BBS9: variants seen among roughly 807,000 people sequenced by gnomAD.
BBS9 encodes the protein protein PTHB1.
In BBS9, 89 loss-of-function variants were observed where a neutral mutation model predicts 117.7. The ratio of observed to expected loss-of-function variants is 0.76; its 90% CI spans 0.64 to 0.90. The LOEUF (loss-of-function observed/expected upper bound fraction) is 0.90, where lower values mean the gene tolerates loss of function less well. Among genes scored for constraint, BBS9 ranks in the 40% least tolerant of loss-of-function variants. The probability of loss-of-function intolerance (pLI) is 0.00; values close to 1 mark genes in which losing one functional copy is unlikely to be tolerated. For synonymous variants in BBS9, 379 were observed against 370.9 expected (o/e 1.02, Z -0.25); for missense variants, 982 against 1,042.2 (o/e 0.94, Z 0.80).
At chr7:33,614,143 C>T (rs1012121011) in intron 21 of BBS9, among the ~76,000 whole-genome samples, 1 of 152,090 alleles carries the variant, frequency 6.6e-6, no homozygotes, top group East Asian at 1.9e-4. Context: ...CTGTGTTGAA[C>T]AACTTCATGC....
intron 19 of BBS9, among the ~76,000 whole-genome samples, chr7:33,408,903 G>C (rs1053020084): frequency 3.3e-5 from 5 of 152,110 alleles, no homozygotes; most frequent in Admixed American, 6.5e-5. Context: ...AAGCCATTCT[G>C]ACCAGTGTGA....
At chr7:33,385,935 A>C (rs1361983831) in intron 18 of BBS9, among the ~76,000 whole-genome samples, 1 of 152,182 alleles carries the variant, frequency 6.6e-6, no homozygotes, top group Middle Eastern at 3.4e-3. Flanking sequence ...TTCTAAAGAG[A>C]ACACTTGGAC....
chr7:33,353,493 T>A (rs1819062356), intron 15 of BBS9, among the ~76,000 whole-genome samples: 1 of 152,112 alleles, frequency 6.6e-6, no homozygotes. Context: ...TTCCTTAGGT[T>A]CTCCTTTTAG....
chr7:33,266,737 A>T (rs566573917), intron 7 of BBS9, among the ~76,000 whole-genome samples: 3 of 151,476 alleles, frequency 2.0e-5, no homozygotes, highest in Admixed American at 6.6e-5. Flanking sequence ...ATCTATATCT[A>T]TATTTATTTA....
chr7:33,454,053 T>G (rs1203995762), intron 19 of BBS9, among the ~76,000 whole-genome samples: 1 of 152,130 alleles, frequency 6.6e-6, no homozygotes, highest in Non-Finnish European at 1.5e-5. Flanking sequence ...TACATGTTAC[T>G]CTGGATGGAA....
chr7:33,276,416 C>T (rs769602652), intron 9 of BBS9, among the ~76,000 whole-genome samples: 5 of 152,176 alleles, frequency 3.3e-5, no homozygotes, highest in Non-Finnish European at 7.4e-5. Flanking sequence ...CAGAACACCA[C>T]AACTATATTT....
rs899716022 is a variant in BBS9, at chr7:33,352,862, G to A, written c.1541G>A (p.Arg514Gln). 4 of 1,612,484 alleles carry A rather than the reference G, an allele frequency of 2.5e-6. No homozygotes were observed. Among genetic ancestry groups the A allele is most frequent in the Non-Finnish European group, 3.4e-6 (4 of 1,178,770 alleles). Residue 514 changes from arginine (R) to glutamine (Q), a missense_variant, in exon 15 of 23, where the codon CGA becomes CAA. Physicochemically the swap from Arg to Gln is conservative, Grantham distance 43. Transcript: ENST00000242067. ...AVVSYSRPTD[R>Q]NPDGIPRVIQ... Reference sequence around the variant, plus strand: ...TTGCATTGCCTGTGATGGACAGATCGAAATCCTGATGGTAAGTGTAAAGAT... The same window carrying A: ...TTGCATTGCCTGTGATGGACAGATCAAAATCCTGATGGTAAGTGTAAAGAT...
chr7:33,141,979 A>G (rs966828050), intron 1 of BBS9, among the ~76,000 whole-genome samples: 1 of 150,566 alleles, frequency 6.6e-6, no homozygotes, highest in South Asian at 2.1e-4. Context: ...TCTTTTGCCC[A>G]GGCCGGACTG....
chr7:33,494,129 C>A (rs1354773357), intron 19 of BBS9, among the ~76,000 whole-genome samples: 3 of 152,106 alleles, frequency 2.0e-5, no homozygotes, highest in African/African-American at 4.8e-5. Flanking sequence ...TGGATCTCAA[C>A]CCAGGGTGAT....
intron 21 of BBS9, among the ~76,000 whole-genome samples, chr7:33,559,953 C>T (rs1199488548): frequency 6.6e-6 from 1 of 152,162 alleles, no homozygotes; most frequent in Non-Finnish European, 1.5e-5. Flanking sequence ...CCTACTGCAG[C>T]TGGCTGACTC....
At chr7:33,137,843 A>G (rs1034697731) in intron 1 of BBS9, among the ~76,000 whole-genome samples, 1 of 152,200 alleles carries the variant, frequency 6.6e-6, no homozygotes, top group Non-Finnish European at 1.5e-5. Context: ...CAAACATACA[A>G]GATGTTTATG....
At chr7:33,137,848 T>C (rs1790778997) in intron 1 of BBS9, among the ~76,000 whole-genome samples, 1 of 152,146 alleles carries the variant, frequency 6.6e-6, no homozygotes, top group African/African-American at 2.4e-5. Flanking sequence ...ATACAAGATG[T>C]TTATGTAATG....
At chr7:33,333,541 A>T (rs931904783) in intron 9 of BBS9, among the ~76,000 whole-genome samples, 3 of 152,164 alleles carry the variant, frequency 2.0e-5, no homozygotes, top group African/African-American at 7.2e-5. Flanking sequence ...CAGCCAACAA[A>T]CATATAAAAA....
chr7:33,605,035 C>G, intron 22 of BBS9, 60 bp downstream of exon 22: 5 of 1,496,970 alleles, frequency 3.3e-6, no homozygotes, highest in Non-Finnish European at 4.7e-6. Context: ...ACAATCTGGT[C>G]AGTTTTTGTC....
chr7:33,150,770 A>G (rs557716908), intron 2 of BBS9, among the ~76,000 whole-genome samples: 1 of 152,316 alleles, frequency 6.6e-6, no homozygotes, highest in South Asian at 2.1e-4. Flanking sequence ...TGAGTGTCAC[A>G]GCCTATGATG....
At chr7:33,191,697 T>C (rs907262462) in intron 5 of BBS9, among the ~76,000 whole-genome samples, 7 of 152,212 alleles carry the variant, frequency 4.6e-5, no homozygotes, top group African/African-American at 1.7e-4. Flanking sequence ...TTTGAGGATT[T>C]GTTGTAATTG....
intron 21 of BBS9, among the ~76,000 whole-genome samples, chr7:33,619,522 G>A (rs1470735932): frequency 6.6e-6 from 1 of 152,046 alleles, no homozygotes; most frequent in Non-Finnish European, 1.5e-5. Flanking sequence ...ACAGACATAT[G>A]TATAACATTC....
intron 5 of BBS9, among the ~76,000 whole-genome samples, chr7:33,239,870 G>A (rs779587303): frequency 1.3e-5 from 2 of 152,060 alleles, no homozygotes; most frequent in Non-Finnish European, 2.9e-5. Flanking sequence ...GCCAGGCATG[G>A]TGGTGCTGCA....
intron 9 of BBS9, among the ~76,000 whole-genome samples, chr7:33,282,826 T>C (rs9638889): frequency 0.14 from 21,974 of 152,214 alleles, 1,868 homozygotes; most frequent in Non-Finnish European, 0.19. Flanking sequence ...AAAAAATGCC[T>C]TTTTGGTTGA....
Sources: gnomAD v4.1 joint callset for allele counts (sites outside exome capture counted in the v4.1 genomes callset) on GRCh38, gnomAD v4.1.1 for gene constraint, MANE v1.5 for transcripts, NCBI Gene and HGNC (gene_info 2026-07-23, HGNC 2026-07-21) for gene names.